Variants in EXD3 observed in about 807,000 individuals in gnomAD.
EXD3 encodes exonuclease mut-7 homolog.
EXD3 carries 92 observed loss-of-function variants against 98.0 expected under a neutral mutation model. That is an observed-to-expected ratio of 0.94 (90% CI 0.79 to 1.12). EXD3 has a LOEUF of 1.12. Among genes scored for constraint, EXD3 ranks in the 50% most tolerant of loss-of-function variants. EXD3 has a pLI of 0.00. For missense variants in EXD3, 1,222 were observed against 1,191.6 expected, an observed-to-expected ratio of 1.03 and a Z score of -0.38; for synonymous variants, 569 against 526.0, an observed-to-expected ratio of 1.08 and a Z score of -1.12.
chr9:137,328,369 C>T (rs77178533), intron 17 of EXD3, among the ~76,000 whole-genome samples: 11 of 2,124 alleles, frequency 5.2e-3, no homozygotes, highest in Non-Finnish European at 0.01. Flanking sequence ...GAATAAACAC[C>T]CATATGATGA....
chr9:137,400,485 G>C (rs969801095), intron 1 of EXD3, among the ~76,000 whole-genome samples: 2 of 152,200 alleles, frequency 1.3e-5, no homozygotes, highest in Admixed American at 1.3e-4. Flanking sequence ...GCCATTCTGG[G>C]CCGGGCATGG....
intron 17 of EXD3, among the ~76,000 whole-genome samples, chr9:137,343,693 A>C (rs1395361248): frequency 1.5e-5 from 2 of 137,386 alleles, no homozygotes; most frequent in Non-Finnish European, 3.0e-5. Flanking sequence ...GGTTCATGCC[A>C]TTCTCCTGCC....
intron 7 of EXD3, chr9:137,366,234 C>A (rs1835246594): frequency 5.7e-6 from 4 of 703,614 alleles, no homozygotes; most frequent in Non-Finnish European, 1.0e-5. Flanking sequence ...GAAGAGCCAC[C>A]ACGGAGAATT....
intron 2 of EXD3, among the ~76,000 whole-genome samples, chr9:137,394,173 T>C (rs9697081): frequency 0.6 from 40,730 of 68,350 alleles, 11,789 homozygotes; most frequent in African/African-American, 0.73. Context: ...TCCCAGCCTC[T>C]GCTTCCCTAA....
At position 137,354,774 on chromosome 9, in the gene EXD3, C is replaced by A. The variant is rs369448064; in HGVS notation, c.758-1G>T. 4.4e-6 allele frequency: 7 copies of A among 1,608,956 alleles called. No individual in the cohort carries two copies. In the African/African-American group the frequency reaches 8.0e-5, roughly 18 times the overall value. ...TGAATGGCCGCGTTGGGACACAGCG[C>A]TGAAAGGAAAGGCCAGCTCAGCACT... On this transcript the variant is annotated splice_acceptor_variant, in intron 8 of 21. Transcript: ENST00000340951. LOFTEE classifies it high-confidence loss of function.
chr9:137,393,288 TCCCCGG>T lies in EXD3; in HGVS notation c.55+2009_55+2014del. The T allele has an allele frequency of 1.4e-6, 1 of 699,380 alleles. No individual in the cohort carries two copies. The allele number at this position is 699,380 out of a possible 1,614,324, so 43.3% of individuals were successfully genotyped here. ...GAGGCGAACCCAGGGTCCCATGCGC[TCCCCGG>T]CCCTGACGGCGGTCTCCAGGGGAGG... On this transcript the variant is annotated intron_variant, in intron 2 of 21. Transcript: ENST00000340951. This position sits in a 1 kb window ranked among gnomAD's most constrained non-coding sequence, Gnocchi z 4.6.
chr9:137,342,936 A>G (rs1833723934), intron 17 of EXD3, among the ~76,000 whole-genome samples: 1 of 152,160 alleles, frequency 6.6e-6, no homozygotes, highest in Non-Finnish European at 1.5e-5. Flanking sequence ...CCCGGCCAAC[A>G]TGGTGAAACC....
chr9:137,310,140 C>T (rs544752662), intron 19 of EXD3, among the ~76,000 whole-genome samples: 3 of 152,364 alleles, frequency 2.0e-5, no homozygotes, highest in Admixed American at 6.5e-5. Flanking sequence ...CTGATACCTG[C>T]GCCTCCCACT....
intron 19 of EXD3, among the ~76,000 whole-genome samples, chr9:137,322,439 A>G (rs960634014): frequency 3.3e-4 from 33 of 99,438 alleles, no homozygotes; most frequent in South Asian, 1.4e-3. Flanking sequence ...CCGACACCTC[A>G]CCCCGGACCC....
chr9:137,381,032 G>A (rs536043174), intron 3 of EXD3, among the ~76,000 whole-genome samples: 4 of 151,620 alleles, frequency 2.6e-5, no homozygotes, highest in East Asian at 3.9e-4. Flanking sequence ...TCTGGGAGGC[G>A]GAGGTTACAG....
chr9:137,379,884 C>A (rs771036463), intron 3 of EXD3, among the ~76,000 whole-genome samples: 33 of 152,024 alleles, frequency 2.2e-4, no homozygotes, highest in Non-Finnish European at 4.0e-4. Context: ...CCAGCTGGGT[C>A]CTCCCCTCCA....
At position 137,388,109 on chromosome 9, in the gene EXD3, G is replaced by A. The variant is rs536641337; in HGVS notation, c.56-4732C>T. Among the ~76,000 whole-genome samples the A allele has an allele frequency of 2.0e-4, 31 of 152,280 alleles. 1 individual carries two copies. The highest frequency in any genetic ancestry group is 7.0e-4 in the African/African-American group (29 of 41,568). The stretch of plus-strand genomic sequence containing the variant: ...AAGAATAAAAGTCCCACAGTCCCCC[G>A]AATGTGGATTCACATCCAAGAGCTG... On this transcript the variant is annotated intron_variant, in intron 2 of 21. Coordinates refer to ENST00000340951, the MANE Select transcript of EXD3 (RefSeq NM_017820.5).
intron 17 of EXD3, among the ~76,000 whole-genome samples, chr9:137,334,716 CA>C (rs1833264966): frequency 6.6e-6 from 1 of 152,054 alleles, no homozygotes; most frequent in Admixed American, 6.6e-5. Flanking sequence ...GCAACAAAAA[CA>C]AAAATAAATA....
intron 1 of EXD3, among the ~76,000 whole-genome samples, chr9:137,410,346 G>A (rs1035121791): frequency 3.3e-5 from 5 of 151,800 alleles, no homozygotes; most frequent in South Asian, 2.1e-4. Context: ...TTAGCCAGGC[G>A]CGGTGGTGGG....
rs111507511 is a variant in EXD3 at position 137,309,509 on chromosome 9, C to G, written c.2278+98G>C. Reference sequence around the variant, plus strand: ...TGGCTGCCACCCTTATCTGAGGAAGCTCAGTGCTGGACGGGCCAGGCCCCT... The same window carrying G: ...TGGCTGCCACCCTTATCTGAGGAAGGTCAGTGCTGGACGGGCCAGGCCCCT... On this transcript the variant is annotated intron_variant, in intron 20 of 21. Coordinates refer to ENST00000340951, the MANE Select transcript of EXD3 (RefSeq NM_017820.5). 73 of 980,358 alleles carry G rather than the reference C, an allele frequency of 7.4e-5. No homozygotes were observed. The African/African-American group carries it at 1.0e-3, about 14-fold the overall frequency. The allele number at this position is 980,358 out of a possible 1,614,324, so 60.7% of individuals were successfully genotyped here.
chr9:137,314,258 G>A (rs1831517752), intron 19 of EXD3, among the ~76,000 whole-genome samples: 1 of 152,206 alleles, frequency 6.6e-6, no homozygotes, highest in Non-Finnish European at 1.5e-5. Flanking sequence ...GCCCTGGGCT[G>A]CCCGCCCCAA....
intron 2 of EXD3, among the ~76,000 whole-genome samples, chr9:137,389,709 T>C (rs1836791068): frequency 6.6e-6 from 1 of 152,060 alleles, no homozygotes. Context: ...GCCAGGTGGA[T>C]GCATGCAGAG....
intron 1 of EXD3, among the ~76,000 whole-genome samples, chr9:137,402,532 AGCCTGGACATTAT>A: frequency 6.6e-6 from 1 of 152,186 alleles, no homozygotes; most frequent in Non-Finnish European, 1.5e-5. Flanking sequence ...AGACCATCTC[AGCCTGGACATTAT>A]TGTTCATAAC....
At chr9:137,307,579 T>G in intron 21 of EXD3, 29 bp downstream of exon 21, 1 of 1,608,064 alleles carries the variant, frequency 6.2e-7, no homozygotes, top group Non-Finnish European at 8.5e-7. Flanking sequence ...GAAGCAGCTG[T>G]GTCCTTGGTG....
Sources: gnomAD v4.1 joint callset for allele counts (sites outside exome capture counted in the v4.1 genomes callset) on GRCh38, gnomAD v4.1.1 for gene constraint, Gnocchi (gnomAD v3.1) non-coding constraint, MANE v1.5 for transcripts, NCBI Gene and HGNC (gene_info 2026-07-23, HGNC 2026-07-21) for gene names.